The following PDRG1 variants were observed in gnomAD, a reference collection of about 807,000 sequenced individuals.
The protein encoded by PDRG1 is p53 and DNA damage-regulated protein 1.
A neutral mutation model predicts 18.4 loss-of-function variants in PDRG1; 14 were observed. That is an observed-to-expected ratio of 0.76 (90% confidence interval 0.50 to 1.19). The LOEUF (loss-of-function observed/expected upper bound fraction) is 1.19, where lower values mean the gene tolerates loss of function less well. Ranked by LOEUF, PDRG1 falls within the 50% of genes most tolerant of loss-of-function variation. PDRG1 has a pLI of 0.00. For synonymous variants in PDRG1, 65 were observed against 60.9 expected, an observed-to-expected ratio of 1.07 and a Z score of -0.31; for missense variants, 177 against 160.1, an observed-to-expected ratio of 1.11 and a Z score of -0.57.
At position 31,945,904 on chromosome 20, in the gene PDRG1, G is replaced by A. The variant is rs749578937; in HGVS notation, c.320-15C>T. 1.1e-5 allele frequency: 17 copies of A among 1,609,056 alleles called. No homozygotes were observed. The South Asian group carries it at 1.3e-4, about 13-fold the overall frequency. On this transcript the variant is annotated splice_polypyrimidine_tract_variant and intron_variant, in intron 4 of 4. Transcript: ENST00000202017. ...CTCCGGTTTGCCTAGGAGAGAAGAT[G>A]ATCCATCAGCACGTCGGGCCTCCTG...
chr20:31,946,827 T>C lies in PDRG1; in HGVS notation c.239-251A>G, dbSNP rs1005319064. Among the ~76,000 whole-genome samples, 5 of 152,310 alleles carry C rather than the reference T, an allele frequency of 3.3e-5. No homozygotes were observed. In the South Asian group the frequency reaches 1.0e-3, roughly 32 times the overall value. ...CTTTTCTGCATTATGCAAAGTACCT[T>C]GGGGTGGTCAGTGGATGGAGAAGGC... is the stretch of plus-strand genomic sequence containing the variant. On this transcript the variant is annotated intron_variant, in intron 3 of 4. Transcript: ENST00000202017.
chr20:31,945,601 T>C lies in PDRG1; in HGVS notation c.*206A>G. ...AGATCTTGTGTCCACCGAGCCCTGG[T>C]GTCCAGGTCCAGCAGCCAGACAGGC... On this transcript the variant is annotated 3_prime_UTR_variant, in exon 5 of 5. Transcript: ENST00000202017. 2.0e-6 allele frequency: 1 copy of C among 491,590 alleles called. No individual in the cohort carries two copies. The highest frequency in any genetic ancestry group is 3.6e-6 in the Non-Finnish European group (1 of 275,154). 30.5% of individuals were successfully genotyped at this position (491,590 alleles called of 1,614,324 possible).
At position 31,945,888 on chromosome 20, in the gene PDRG1, G is replaced by T; in HGVS notation, c.321C>A (p.Gly107=). The T allele has an allele frequency of 1.9e-6, 3 of 1,612,958 alleles. No homozygotes were observed. The highest frequency in any genetic ancestry group is 2.5e-6 in the Non-Finnish European group (3 of 1,179,572). Residue 107 remains glycine, a splice_region_variant and synonymous_variant, in exon 5 of 5, where the codon GGC becomes GGA. Coordinates refer to ENST00000202017, the MANE Select transcript of PDRG1 (RefSeq NM_030815.3). ...VKVNRLFEAQ[G]KPELKGFNLN... ...AGTTAAAACCCTTCAGCTCCGGTTT[G>T]CCTAGGAGAGAAGATGATCCATCAG...
chr20:31,946,611 T>C (rs755631888), intron 3 of PDRG1, 35 bp from the exon 4 acceptor site: 42 of 1,555,752 alleles, frequency 2.7e-5, no homozygotes, highest in South Asian at 1.3e-4. Flanking sequence ...GAGGATAAGA[T>C]TGTACCAGAC....
At chr20:31,947,240 C>A (rs552075023) in intron 3 of PDRG1, among the ~76,000 whole-genome samples, 1 of 152,298 alleles carries the variant, frequency 6.6e-6, no homozygotes, top group African/African-American at 2.4e-5. Context: ...GCTAGCCTGT[C>A]TTCCCCACAG....
Position 31,945,796 on chromosome 20 carries a change from GT to G in PDRG1, c.*10del, listed in dbSNP as rs758039145. 35 of 1,610,920 alleles carry G rather than the reference GT, an allele frequency of 2.2e-5. No homozygotes were observed. Among genetic ancestry groups the G allele is most frequent in the African/African-American group, 2.7e-5 (2 of 74,848 alleles). ...GGGGGGTTGCTGGTCCCCCATCTTGGTTCTTGAGTCTCATCCTTTCAAGATG... is the reference window on the plus strand; with the variant it reads ...GGGGGGTTGCTGGTCCCCCATCTTGGTCTTGAGTCTCATCCTTTCAAGATG... On this transcript the variant is annotated 3_prime_UTR_variant, in exon 5 of 5. Coordinates refer to ENST00000202017, the MANE Select transcript of PDRG1 (RefSeq NM_030815.3).
intron 1 of PDRG1, 110 bp downstream of exon 1, chr20:31,951,765 T>C: frequency 8.5e-7 from 1 of 1,176,458 alleles, no homozygotes. Flanking sequence ...TCGGCCCAGG[T>C]CTGTCGCCTC....
At position 31,946,518 on chromosome 20, in the gene PDRG1, G is replaced by A. The variant is rs199583747; in HGVS notation, c.297C>T (p.Val99=). The A allele has an allele frequency of 1.9e-6, 3 of 1,612,572 alleles. No individual in the cohort carries two copies. The African/African-American group carries it at 4.0e-5, about 22-fold the overall frequency. ...EKLRKQLKVK[V]NRLFEAQGKP... ...TACCTTGGGCCTCAAAAAGGCGGTT[G>A]ACCTTCACTTTAAGTTGCTTCCGCA... Residue 99 remains valine (V), a synonymous_variant, in exon 4 of 5, where the codon GTC becomes GTT. Coordinates refer to ENST00000202017, the MANE Select transcript of PDRG1 (RefSeq NM_030815.3).
At chr20:31,949,264 T>G (rs144263578) in intron 2 of PDRG1, among the ~76,000 whole-genome samples, 49 of 152,152 alleles carry the variant, frequency 3.2e-4, no homozygotes, top group African/African-American at 1.1e-3. Flanking sequence ...ATCAGTAGTG[T>G]GCTTGGGGTG....
intron 3 of PDRG1, among the ~76,000 whole-genome samples, chr20:31,947,742 T>A (rs2064327775): frequency 6.6e-6 from 1 of 151,960 alleles, no homozygotes. Flanking sequence ...ACACAAAAAT[T>A]AGCCACGCAT....
intron 2 of PDRG1, among the ~76,000 whole-genome samples, chr20:31,950,096 C>T (rs1400292082): frequency 2.0e-5 from 3 of 152,242 alleles, no homozygotes; most frequent in African/African-American, 4.8e-5. Context: ...CAGGAGCTAA[C>T]GACCTGTCAC....
chr20:31,950,421 A>G (rs369023085), intron 1 of PDRG1, 34 bp from the exon 2 acceptor site: 446 of 1,529,500 alleles, frequency 2.9e-4, no homozygotes, highest in Non-Finnish European at 3.9e-4. Context: ...GAACTCAGCT[A>G]TCTCTTGCCC....
intron 4 of PDRG1, among the ~76,000 whole-genome samples, 183 bp from the exon 5 acceptor site, chr20:31,946,072 C>T (rs993384852): frequency 1.3e-5 from 2 of 152,174 alleles, no homozygotes; most frequent in East Asian, 3.8e-4. Flanking sequence ...CACCAAGAGC[C>T]TGCAAACGCG....
intron 2 of PDRG1, 103 bp downstream of exon 2, chr20:31,950,209 T>C (rs555871906): frequency 1.3e-5 from 12 of 939,588 alleles, no homozygotes; most frequent in Non-Finnish European, 1.7e-5. Flanking sequence ...GGCTGAGTTA[T>C]ACAGCTGTGA....
At chr20:31,951,798 G>T in intron 1 of PDRG1, 77 bp downstream of exon 1, 1 of 1,459,362 alleles carries the variant, frequency 6.9e-7, no homozygotes, top group Non-Finnish European at 9.1e-7. Flanking sequence ...CGCCTGTCCA[G>T]GTCAACTCAC....
At chr20:31,946,404 T>C in intron 4 of PDRG1, 92 bp downstream of exon 4, 2 of 1,225,062 alleles carry the variant, frequency 1.6e-6, no homozygotes, top group Non-Finnish European at 2.4e-6. Context: ...ACACTGCCCA[T>C]CTCTGAGGGT....
chr20:31,949,869 C>T (rs2064341355), intron 2 of PDRG1, among the ~76,000 whole-genome samples: 1 of 152,168 alleles, frequency 6.6e-6, no homozygotes, highest in Non-Finnish European at 1.5e-5. Context: ...TCCCCATTTG[C>T]TTCCACTGCC....
intron 4 of PDRG1, 51 bp downstream of exon 4, chr20:31,946,445 A>G: frequency 1.3e-6 from 2 of 1,500,400 alleles, no homozygotes; most frequent in Non-Finnish European, 1.9e-6. Context: ...TTCAAAGTCC[A>G]TGCTGATGAT....
At chr20:31,948,711 T>C in intron 3 of PDRG1, 97 bp downstream of exon 3, 1 of 1,141,782 alleles carries the variant, frequency 8.8e-7, no homozygotes, top group Non-Finnish European at 1.3e-6. Context: ...GAACTGCCTC[T>C]CCTTACGCTG....
Sources: allele counts gnomAD v4.1 joint callset (sites outside exome capture counted in the v4.1 genomes callset), GRCh38; gene constraint gnomAD v4.1.1; transcripts MANE v1.5; gene names NCBI Gene and HGNC (gene_info 2026-07-23, HGNC 2026-07-21).